Variants in PPP2R2A observed in about 807,000 individuals in gnomAD.
PPP2R2A encodes the protein serine/threonine-protein phosphatase 2A 55 kDa regulatory subunit B alpha isoform.
In PPP2R2A, 9 loss-of-function variants were observed where a neutral mutation model predicts 53.2. The ratio of observed to expected loss-of-function variants is 0.17; its 90% CI spans 0.10 to 0.30. The LOEUF is 0.30. PPP2R2A is among the 10% of genes least tolerant of loss of function. The probability of loss-of-function intolerance (pLI) is 1.00; values close to 1 mark genes in which losing one functional copy is unlikely to be tolerated. For synonymous variants in PPP2R2A, 169 were observed against 174.2 expected, an observed-to-expected ratio of 0.97 and a Z score of 0.23; for missense variants, 235 against 534.6, an observed-to-expected ratio of 0.44 and a Z score of 5.53.
intron 2 of PPP2R2A, among the ~76,000 whole-genome samples, chr8:26,334,719 T>C (rs930937810): frequency 1.3e-5 from 2 of 151,764 alleles, no homozygotes; most frequent in African/African-American, 2.4e-5. Flanking sequence ...CACTCCAGCC[T>C]GGGCGGCAGA....
chr8:26,291,540 G>C lies in PPP2R2A; in HGVS notation c.-280G>C, dbSNP rs898615789. The C allele has an allele frequency of 1.4e-5, 7 of 504,902 alleles. No individual in the cohort carries two copies. The highest frequency in any genetic ancestry group is 8.9e-5 in the South Asian group (4 of 44,814). 31.3% of individuals were successfully genotyped at this position (504,902 alleles called of 1,614,324 possible). Reference sequence around the variant, plus strand: ...CCGGCGCCATTTTGAAAGTGGAGTCGCCTGCCCCTGCCGCTGCCGCCGCCG... The same window carrying C: ...CCGGCGCCATTTTGAAAGTGGAGTCCCCTGCCCCTGCCGCTGCCGCCGCCG... On this transcript the variant is annotated 5_prime_UTR_variant, in exon 1 of 10. Coordinates refer to ENST00000380737, the MANE Select transcript of PPP2R2A (RefSeq NM_002717.4).
intron 2 of PPP2R2A, among the ~76,000 whole-genome samples, chr8:26,313,447 A>T (rs540851051): frequency 6.6e-6 from 1 of 152,300 alleles, no homozygotes; most frequent in East Asian, 1.9e-4. Flanking sequence ...TGCTCCTCCC[A>T]GCTTTCTTGG....
chr8:26,368,981 G>A (rs1214192502), intron 9 of PPP2R2A, among the ~76,000 whole-genome samples: 10 of 151,584 alleles, frequency 6.6e-5, no homozygotes, highest in Non-Finnish European at 1.2e-4. Flanking sequence ...GGTGGCGGAC[G>A]CCTGTAGTCC....
At chr8:26,353,479 C>T (rs1804620734) in intron 3 of PPP2R2A, among the ~76,000 whole-genome samples, 1 of 152,198 alleles carries the variant, frequency 6.6e-6, no homozygotes. Flanking sequence ...CTAAACATTT[C>T]ACTGGGTAAC....
chr8:26,354,627 A>G lies in PPP2R2A; in HGVS notation c.340A>G (p.Thr114Ala). The change falls in exon 4 of 10, where the codon ACC (threonine) becomes GCC (alanine). Residue 114 changes from threonine to alanine, a missense_variant. Physicochemically the swap from Thr to Ala is moderately conservative, Grantham distance 58 (BLOSUM62 0). Transcript: ENST00000380737. This position sits in a 1 kb window ranked among gnomAD's most constrained non-coding sequence, Gnocchi z 4.6. ...AAATGCTGCTCAGTTTTTATTGTCTACCAATGGTAAGTATACATATTTTCT... is the reference window on the plus strand; with the variant it reads ...AAATGCTGCTCAGTTTTTATTGTCTGCCAATGGTAAGTATACATATTTTCT... ...QKNAAQFLLSTNDKTIKLWKI... is the reference protein window; with the variant it reads ...QKNAAQFLLSANDKTIKLWKI... 1.9e-6 allele frequency: 3 copies of G among 1,602,842 alleles called. No homozygotes were observed. The highest frequency in any genetic ancestry group is 2.6e-6 in the Non-Finnish European group (3 of 1,173,974).
At chr8:26,337,976 A>G (rs1182892972) in intron 2 of PPP2R2A, among the ~76,000 whole-genome samples, 1 of 152,234 alleles carries the variant, frequency 6.6e-6, no homozygotes, top group Non-Finnish European at 1.5e-5. Context: ...TATGTATATC[A>G]TCAGATTCTT....
At chr8:26,293,937 A>G (rs972363573) in intron 2 of PPP2R2A, 197 bp downstream of exon 2, 1 of 569,690 alleles carries the variant, frequency 1.8e-6, no homozygotes, top group East Asian at 3.0e-5. Flanking sequence ...TGTTTTTATT[A>G]TTTTTTCCTC....
chr8:26,370,508 G>A lies in PPP2R2A; in HGVS notation c.*95G>A, dbSNP rs377473455. ...ATAAAAGAGAGAGGTCCATTGTGGC[G>A]CCCCTTTCCAGTGTTTGACAGTGTG... On this transcript the variant is annotated 3_prime_UTR_variant, in exon 10 of 10. Coordinates refer to ENST00000380737, the MANE Select transcript of PPP2R2A (RefSeq NM_002717.4). The surrounding 1 kb of genome is among the most constrained non-coding windows in gnomAD (Gnocchi z 6.1). 1,617 of 1,402,172 alleles carry A rather than the reference G, an allele frequency of 1.2e-3. 1 individual carries two copies. Among genetic ancestry groups the A allele is most frequent in the Non-Finnish European group, 1.5e-3 (1,526 of 1,021,560 alleles). The allele number at this position is 1,402,172 out of a possible 1,614,324, so 86.9% of individuals were successfully genotyped here.
At chr8:26,367,881 A>T (rs1250363430) in intron 9 of PPP2R2A, among the ~76,000 whole-genome samples, 1 of 152,246 alleles carries the variant, frequency 6.6e-6, no homozygotes, top group African/African-American at 2.4e-5. Context: ...AGTATCCAGC[A>T]TTTAGTTGTC....
chr8:26,354,031 C>T lies in PPP2R2A; in HGVS notation c.181-437C>T, dbSNP rs929742990. Among the ~76,000 whole-genome samples, 2 of 152,138 alleles carry T rather than the reference C, an allele frequency of 1.3e-5. No homozygotes were observed. Among genetic ancestry groups the T allele is most frequent in the African/African-American group, 4.8e-5 (2 of 41,408 alleles). On this transcript the variant is annotated intron_variant, in intron 3 of 9. Transcript: ENST00000380737. This position sits in a 1 kb window ranked among gnomAD's most constrained non-coding sequence, Gnocchi z 4.6. ...AAGGACAATACATCATATTAAATAA[C>T]AGATCGGGGAGTTGACCCTAAAGTG...
chr8:26,332,032 T>A (rs1803405588), intron 2 of PPP2R2A, among the ~76,000 whole-genome samples: 1 of 152,144 alleles, frequency 6.6e-6, no homozygotes, highest in South Asian at 2.1e-4. Flanking sequence ...CAAATGGCAC[T>A]TTCAGGAATC....
intron 6 of PPP2R2A, among the ~76,000 whole-genome samples, chr8:26,361,985 A>G (rs1049913273): frequency 6.7e-6 from 1 of 148,258 alleles, no homozygotes; most frequent in Non-Finnish European, 1.5e-5. Flanking sequence ...ATATAGATTT[A>G]TATATATTAT....
chr8:26,353,337 T>C (rs1804614430), intron 3 of PPP2R2A, among the ~76,000 whole-genome samples: 1 of 152,152 alleles, frequency 6.6e-6, no homozygotes, highest in African/African-American at 2.4e-5. Flanking sequence ...AATACAACCA[T>C]CCATGAATGA....
chr8:26,293,210 A>T, intron 1 of PPP2R2A: 1 of 1,533,296 alleles, frequency 6.5e-7, no homozygotes, highest in African/African-American at 1.4e-5. Context: ...TTTGGTGATA[A>T]GGTTCATATG....
chr8:26,293,487 C>G, intron 1 of PPP2R2A, 179 bp from the exon 2 acceptor site: 2 of 697,170 alleles, frequency 2.9e-6, no homozygotes, highest in Non-Finnish European at 4.7e-6. Flanking sequence ...TTTTTTCTTT[C>G]TAATGCAGTA....
At chr8:26,356,311 T>C (rs377522597) in intron 4 of PPP2R2A, among the ~76,000 whole-genome samples, 13 of 152,204 alleles carry the variant, frequency 8.5e-5, no homozygotes, top group African/African-American at 3.1e-4. Context: ...CTGATGGCCA[T>C]CAGCGTTGGC....
At chr8:26,292,017 A>G in intron 1 of PPP2R2A, 191 bp downstream of exon 1, 1 of 1,017,384 alleles carries the variant, frequency 9.8e-7, no homozygotes, top group Non-Finnish European at 1.2e-6. Context: ...GGTGAGAGTC[A>G]CTGGGCTTGG....
At chr8:26,353,043 G>A (rs1804601489) in intron 3 of PPP2R2A, among the ~76,000 whole-genome samples, 1 of 152,140 alleles carries the variant, frequency 6.6e-6, no homozygotes, top group South Asian at 2.1e-4. Context: ...CCTGCTTAAT[G>A]GTATTGTGGT....
In PPP2R2A at chr8:26,291,620, A is replaced by C; in HGVS notation, c.-200A>C. On this transcript the variant is annotated 5_prime_UTR_variant, in exon 1 of 10. Coordinates refer to ENST00000380737, the MANE Select transcript of PPP2R2A (RefSeq NM_002717.4). The stretch of plus-strand genomic sequence containing the variant: ...GCCGGAGAAAGAGCACGAGCGGGGA[A>C]GCCCCAGAGTGAAATCTAGCATCCT... 2 of 579,320 alleles carry C rather than the reference A, an allele frequency of 3.5e-6. No individual in the cohort carries two copies. Among genetic ancestry groups the C allele is most frequent in the Non-Finnish European group, 6.1e-6 (2 of 329,802 alleles). The allele number at this position is 579,320 out of a possible 1,614,324, so 35.9% of individuals were successfully genotyped here. A position where few individuals can be genotyped will look rare whatever the true frequency, so the allele number is the denominator to read the frequency against.
Sources: gnomAD v4.1 joint callset for allele counts (sites outside exome capture counted in the v4.1 genomes callset) on GRCh38, gnomAD v4.1.1 for gene constraint, Gnocchi (gnomAD v3.1) non-coding constraint, MANE v1.5 for transcripts, NCBI Gene and HGNC (gene_info 2026-07-23, HGNC 2026-07-21) for gene names.